The following SDK1 variants were observed in gnomAD, a reference collection of about 807,000 sequenced individuals.
SDK1 encodes sidekick cell adhesion molecule 1.
Under a neutral mutation model 245.5 loss-of-function variants are expected in SDK1, and 157 were observed. The ratio of observed to expected loss-of-function variants is 0.64; its 90% CI spans 0.56 to 0.73. The LOEUF (loss-of-function observed/expected upper bound fraction) is 0.73. Ranked by LOEUF, SDK1 falls within the 30% of genes least tolerant of loss-of-function variation. The pLI, the probability that SDK1 is intolerant of heterozygous loss-of-function variation, is 0.00. For synonymous variants in SDK1, 1,647 were observed against 1,278.5 expected, an observed-to-expected ratio of 1.29 and a Z score of -6.15; for missense variants, 3,583 against 3,002.3, an observed-to-expected ratio of 1.19 and a Z score of -4.52.
intron 9 of SDK1, among the ~76,000 whole-genome samples, chr7:3,964,321 C>T (rs1409098898): frequency 2.6e-5 from 4 of 152,180 alleles, no homozygotes; most frequent in African/African-American, 7.2e-5. Flanking sequence ...CTCCTCTTCT[C>T]AGGGTAGCGT....
At chr7:3,573,697 C>G (rs898136354) in intron 1 of SDK1, among the ~76,000 whole-genome samples, 1 of 151,982 alleles carries the variant, frequency 6.6e-6, no homozygotes, top group Non-Finnish European at 1.5e-5. Context: ...AGGGCCAACA[C>G]TAAAACTAGA....
chr7:3,899,081 A>G (rs1477215509), intron 5 of SDK1, among the ~76,000 whole-genome samples: 13 of 152,188 alleles, frequency 8.5e-5, no homozygotes, highest in Non-Finnish European at 7.4e-5. Flanking sequence ...GAAATTTACT[A>G]AAATATCATA....
chr7:3,994,745 G>T (rs73673216), intron 14 of SDK1, among the ~76,000 whole-genome samples: 8,394 of 151,976 alleles, frequency 0.055, 724 homozygotes, highest in African/African-American at 0.19. Context: ...TTTACCTCAT[G>T]CATTTTTATC....
At chr7:3,884,083 GTTTTTTTT>G (rs529710738) in intron 5 of SDK1, among the ~76,000 whole-genome samples, 16,663 of 136,184 alleles carry the variant, frequency 0.12, 1,023 homozygotes, top group Middle Eastern at 0.25. Flanking sequence ...TTGTTTTTTT[GTTTTTTTT>G]TTTTTTTGAG....
chr7:3,688,016 T>G (rs762980450), intron 4 of SDK1, among the ~76,000 whole-genome samples: 1 of 152,212 alleles, frequency 6.6e-6, no homozygotes, highest in East Asian at 1.9e-4. Context: ...TTCCAAAGAT[T>G]AGAGGATTTC....
chr7:3,918,203 G>A (rs1011694326), intron 5 of SDK1, among the ~76,000 whole-genome samples: 1 of 152,170 alleles, frequency 6.6e-6, no homozygotes, highest in Admixed American at 6.5e-5. Flanking sequence ...GTACCCTGGA[G>A]CAGGGGTTCC....
At chr7:4,250,641 G>A (rs1198913103) in intron 44 of SDK1, among the ~76,000 whole-genome samples, 3 of 152,100 alleles carry the variant, frequency 2.0e-5, no homozygotes, top group South Asian at 2.1e-4. Flanking sequence ...CACTGTGCCC[G>A]GCCAGGAAGT....
At chr7:3,382,571 C>G (rs1384401136) in intron 1 of SDK1, among the ~76,000 whole-genome samples, 1 of 152,142 alleles carries the variant, frequency 6.6e-6, no homozygotes, top group East Asian at 1.9e-4. Context: ...TTGCCATAAT[C>G]TGTTGTAATA....
chr7:3,854,468 C>T (rs1047049953), intron 5 of SDK1, among the ~76,000 whole-genome samples: 3 of 152,180 alleles, frequency 2.0e-5, no homozygotes, highest in African/African-American at 7.2e-5. Context: ...AATCTCAATA[C>T]TAATTACTGG....
At chr7:3,922,280 G>C (rs1369013103) in intron 5 of SDK1, among the ~76,000 whole-genome samples, 1 of 152,200 alleles carries the variant, frequency 6.6e-6, no homozygotes, top group Non-Finnish European at 1.5e-5. Flanking sequence ...GCAGGATTCA[G>C]TCGGGATGTG....
At chr7:3,601,932 G>GT (rs1156462485) in intron 1 of SDK1, among the ~76,000 whole-genome samples, 8 of 150,508 alleles carry the variant, frequency 5.3e-5, no homozygotes, top group Admixed American at 2.0e-4. Context: ...GGGGTGTTTG[G>GT]TTTTTTGTCC....
intron 14 of SDK1, among the ~76,000 whole-genome samples, chr7:3,992,992 G>A (rs927664370): frequency 2.0e-5 from 3 of 152,186 alleles, no homozygotes; most frequent in South Asian, 4.1e-4. Flanking sequence ...GTTGTGGGCT[G>A]TTCACTTTCT....
At chr7:3,459,966 G>C (rs1002171704) in intron 1 of SDK1, among the ~76,000 whole-genome samples, 1 of 152,220 alleles carries the variant, frequency 6.6e-6, no homozygotes, top group African/African-American at 2.4e-5. Context: ...GGATAGCAAA[G>C]AAAGTGATTT....
At chr7:3,404,815 C>G (rs574321305) in intron 1 of SDK1, among the ~76,000 whole-genome samples, 10 of 152,216 alleles carry the variant, frequency 6.6e-5, no homozygotes, top group African/African-American at 2.4e-4. Context: ...AATGTAAAAG[C>G]TATTTTGGAG....
At position 4,238,112 on chromosome 7, in the gene SDK1, C is replaced by G. The variant is rs556140691; in HGVS notation, c.6130+328C>G. Reference sequence around the variant, plus strand: ...TGCTTTTTTTTTTTTTACAGTCTCACTCTGTCACCCAGGTTGGAGTGCACT... The same window carrying G: ...TGCTTTTTTTTTTTTTACAGTCTCAGTCTGTCACCCAGGTTGGAGTGCACT... On this transcript the variant is annotated intron_variant, in intron 42 of 44. Transcript: ENST00000404826. Among the ~76,000 whole-genome samples the G allele has an allele frequency of 2.6e-5, 4 of 151,718 alleles. No individual in the cohort carries two copies. In the South Asian group the frequency reaches 8.4e-4, roughly 32 times the overall value.
intron 4 of SDK1, among the ~76,000 whole-genome samples, chr7:3,665,970 A>G (rs1295326607): frequency 3.9e-5 from 6 of 152,096 alleles, no homozygotes; most frequent in Admixed American, 3.9e-4. Flanking sequence ...GTTGGCTCAC[A>G]CTTCCTATTC....
chr7:3,921,578 G>A (rs1779588418), intron 5 of SDK1, among the ~76,000 whole-genome samples: 1 of 152,166 alleles, frequency 6.6e-6, no homozygotes, highest in Non-Finnish European at 1.5e-5. Flanking sequence ...CAGCTTAAAA[G>A]TAGAGGGAGG....
intron 4 of SDK1, among the ~76,000 whole-genome samples, chr7:3,689,418 G>A (rs1473510903): frequency 1.3e-5 from 2 of 152,206 alleles, no homozygotes; most frequent in African/African-American, 4.8e-5. Context: ...CCTGGTACAA[G>A]CTAAGCAGGG....
At chr7:3,457,419 C>T (rs1780705510) in intron 1 of SDK1, among the ~76,000 whole-genome samples, 1 of 152,128 alleles carries the variant, frequency 6.6e-6, no homozygotes, top group African/African-American at 2.4e-5. Context: ...ACACTATACA[C>T]AATGTCTTCT....
Sources: allele counts gnomAD v4.1 joint callset (sites outside exome capture counted in the v4.1 genomes callset), GRCh38; gene constraint gnomAD v4.1.1; transcripts MANE v1.5; gene names NCBI Gene and HGNC (gene_info 2026-07-23, HGNC 2026-07-21).